TADA2A: variants seen among roughly 807,000 people sequenced by gnomAD.
The protein encoded by TADA2A is transcriptional adaptor 2A, also known as transcriptional adapter 2-alpha.
A neutral mutation model predicts 67.4 loss-of-function variants in TADA2A; 38 were observed. That is an observed-to-expected ratio of 0.56 (90% CI 0.44 to 0.74). TADA2A has a LOEUF of 0.74. Ranked by LOEUF, TADA2A falls within the 30% of genes least tolerant of loss-of-function variation. TADA2A has a pLI of 0.00. For missense variants in TADA2A, 454 were observed against 547.0 expected, an observed-to-expected ratio of 0.83 and a Z score of 1.70; for synonymous variants, 192 against 181.6, an observed-to-expected ratio of 1.06 and a Z score of -0.46.
At chr17:37,422,099 G>A (rs1423350804) in intron 2 of TADA2A, among the ~76,000 whole-genome samples, 3 of 144,448 alleles carry the variant, frequency 2.1e-5, no homozygotes, top group Admixed American at 1.4e-4. Flanking sequence ...AGGCTGGAGT[G>A]CAGCGGCGCG....
In TADA2A at chr17:37,428,712, G is replaced by A. The variant is rs9890088; in HGVS notation, c.192+1703G>A. On this transcript the variant is annotated intron_variant, in intron 4 of 15. Transcript: ENST00000615182. ...TCCTATCTCAGCCACCTGACTAGCT[G>A]GGACTATAGGCACAAGCCACCATGC... Among the ~76,000 whole-genome samples, 1,076 of 152,194 alleles carry A rather than the reference G, an allele frequency of 7.1e-3. 16 individuals carry two copies. Among genetic ancestry groups the A allele is most frequent in the African/African-American group, 0.025 (1,026 of 41,522 alleles).
intron 4 of TADA2A, among the ~76,000 whole-genome samples, chr17:37,428,924 T>A (rs1016329638): frequency 6.6e-6 from 1 of 151,304 alleles, no homozygotes; most frequent in African/African-American, 2.4e-5. Flanking sequence ...TGGGCGCCTG[T>A]AGTCCCAGCT....
intron 5 of TADA2A, 162 bp downstream of exon 5, chr17:37,437,991 A>G (rs1023895628): frequency 9.1e-6 from 6 of 657,140 alleles, no homozygotes; most frequent in Non-Finnish European, 1.6e-5. Context: ...TTATTTTTCC[A>G]GTGTCGAAAT....
chr17:37,421,358 C>A (rs79527576), intron 2 of TADA2A, among the ~76,000 whole-genome samples: 1 of 146,170 alleles, frequency 6.8e-6, no homozygotes, highest in African/African-American at 2.5e-5. Flanking sequence ...GCCTGGGCAA[C>A]AGTCTAAGAC....
At chr17:37,434,729 G>A (rs911818445) in intron 4 of TADA2A, among the ~76,000 whole-genome samples, 1 of 152,134 alleles carries the variant, frequency 6.6e-6, no homozygotes, top group Non-Finnish European at 1.5e-5. Flanking sequence ...TTGGAGTAAC[G>A]TTTATACAGG....
intron 4 of TADA2A, among the ~76,000 whole-genome samples, chr17:37,437,358 TG>T (rs1300803838): frequency 1.3e-5 from 2 of 151,856 alleles, no homozygotes; most frequent in African/African-American, 4.9e-5. Context: ...CCCAAAGTGC[TG>T]GGATTACAGG....
chr17:37,466,187 A>C (rs2053661586), intron 11 of TADA2A, among the ~76,000 whole-genome samples: 1 of 152,156 alleles, frequency 6.6e-6, no homozygotes, highest in Non-Finnish European at 1.5e-5. Flanking sequence ...TTGGGAGGCC[A>C]AGGCAAGAGG....
At chr17:37,418,676 C>A (rs2052131097) in intron 2 of TADA2A, among the ~76,000 whole-genome samples, 1 of 145,606 alleles carries the variant, frequency 6.9e-6, no homozygotes, top group South Asian at 2.3e-4. Flanking sequence ...ACTGCAACCT[C>A]CCCCTCCTGC....
chr17:37,478,887 A>AT lies in TADA2A; in HGVS notation c.*1911dup, dbSNP rs2148060513. Reference sequence around the variant, plus strand: ...GAGGGAATTCAAATAGAGGACTTCGATTTTTTAAAAAGAATGACGTGGAAA... The same window carrying AT: ...GAGGGAATTCAAATAGAGGACTTCGATTTTTTTAAAAAGAATGACGTGGAAA... On this transcript the variant is annotated 3_prime_UTR_variant, in exon 16 of 16. Coordinates refer to ENST00000615182, the MANE Select transcript of TADA2A (RefSeq NM_001166105.3). The AT allele has an allele frequency of 6.6e-6, 1 of 152,318 alleles. No homozygotes were observed. The highest frequency in any genetic ancestry group is 1.9e-4 in the East Asian group (1 of 5,182). The allele number at this position is 152,318 out of a possible 1,614,324, so 9.4% of individuals were successfully genotyped here. A position where few individuals can be genotyped will look rare whatever the true frequency, so the allele number is the denominator to read the frequency against.
intron 10 of TADA2A, among the ~76,000 whole-genome samples, chr17:37,464,872 C>T (rs988477394): frequency 2.8e-5 from 4 of 141,018 alleles, no homozygotes; most frequent in African/African-American, 5.4e-5. Flanking sequence ...GGTGGCTGGG[C>T]GCGGTGGCTC....
At chr17:37,448,140 A>G (rs578055394) in intron 8 of TADA2A, among the ~76,000 whole-genome samples, 1 of 152,238 alleles carries the variant, frequency 6.6e-6, no homozygotes, top group South Asian at 2.1e-4. Flanking sequence ...ATGGTTCCTC[A>G]TTTAGAACTA....
At chr17:37,461,913 G>T (rs999144684) in intron 9 of TADA2A, 165 bp from the exon 10 acceptor site, 1 of 560,798 alleles carries the variant, frequency 1.8e-6, no homozygotes, top group Non-Finnish European at 3.2e-6. Flanking sequence ...CTAAAATTGG[G>T]TTAGTGATTC....
At chr17:37,452,151 C>G (rs1229718082) in intron 8 of TADA2A, among the ~76,000 whole-genome samples, 1 of 152,054 alleles carries the variant, frequency 6.6e-6, no homozygotes, top group Non-Finnish European at 1.5e-5. Flanking sequence ...CACCTGTATT[C>G]CCAGCACTTT....
At chr17:37,471,002 C>A in intron 13 of TADA2A, 92 bp from the exon 14 acceptor site, 1 of 1,233,170 alleles carries the variant, frequency 8.1e-7, no homozygotes, top group Non-Finnish European at 1.2e-6. Flanking sequence ...TCAAGGTGAC[C>A]TACCTGATAA....
chr17:37,413,961 C>T (rs2051959769), intron 2 of TADA2A, among the ~76,000 whole-genome samples: 1 of 152,074 alleles, frequency 6.6e-6, no homozygotes, highest in Admixed American at 6.6e-5. Flanking sequence ...CACTGTTCAC[C>T]CTCAAGAAGG....
intron 2 of TADA2A, among the ~76,000 whole-genome samples, chr17:37,416,212 G>A (rs557365302): frequency 1.3e-5 from 2 of 150,706 alleles, no homozygotes; most frequent in Non-Finnish European, 2.9e-5. Context: ...TCTGTCTCCC[G>A]GGTTCAAGCG....
At chr17:37,417,058 T>C (rs1362397741) in intron 2 of TADA2A, among the ~76,000 whole-genome samples, 1 of 151,834 alleles carries the variant, frequency 6.6e-6, no homozygotes, top group African/African-American at 2.4e-5. Context: ...TCTAGGAAAA[T>C]ATATATCCTG....
chr17:37,413,943 C>T (rs1017920590), intron 2 of TADA2A, among the ~76,000 whole-genome samples: 1 of 151,956 alleles, frequency 6.6e-6, no homozygotes, highest in Admixed American at 6.6e-5. Flanking sequence ...GGGTCCTCTC[C>T]CTCCTCCCAC....
At chr17:37,423,390 T>A (rs2052304288) in intron 2 of TADA2A, 119 bp from the exon 3 acceptor site, 11 of 734,236 alleles carry the variant, frequency 1.5e-5, no homozygotes, top group Non-Finnish European at 2.0e-5. Context: ...TCATCTTGTC[T>A]CCATGAACTT....
Sources: allele counts gnomAD v4.1 joint callset (sites outside exome capture counted in the v4.1 genomes callset), GRCh38; gene constraint gnomAD v4.1.1; transcripts MANE v1.5; gene names NCBI Gene and HGNC (gene_info 2026-07-23, HGNC 2026-07-21).